RANBP2: variants seen among roughly 807,000 people sequenced by gnomAD.
RANBP2 encodes E3 SUMO-protein ligase RanBP2.
A neutral mutation model predicts 303.6 loss-of-function variants in RANBP2; 57 were observed. That is an observed-to-expected ratio of 0.19 (90% CI 0.15 to 0.23). The LOEUF (loss-of-function observed/expected upper bound fraction) is 0.23. Among genes scored for constraint, RANBP2 ranks in the 10% least tolerant of loss-of-function variants. RANBP2 has a pLI of 1.00. For missense variants in RANBP2, 3,138 were observed against 3,780.8 expected (o/e 0.83, Z 4.46); for synonymous variants, 1,167 against 1,301.5 (o/e 0.90, Z 2.23).
rs2557927 is a variant in RANBP2, at chr2:108,728,701, C to G, written c.73-431C>G. Among the ~76,000 whole-genome samples the G allele has an allele frequency of 2.1e-3, 316 of 152,134 alleles. 3 individuals are homozygous for G. The highest frequency in any genetic ancestry group is 7.1e-3 in the African/African-American group (295 of 41,506). ...GGAGTGCAATGGCACGATCTCAGCT[C>G]ACTGCAACCTCTGGCTCACTGCAAC... On this transcript the variant is annotated intron_variant, in intron 1 of 28. Coordinates refer to ENST00000283195, the MANE Select transcript of RANBP2 (RefSeq NM_006267.5).
chr2:108,821,687 C>T, the RANBP2 span, among the ~76,000 whole-genome samples: 1 of 151,762 alleles, frequency 6.6e-6, no homozygotes, highest in East Asian at 1.9e-4. Context: ...CCTCATGCCT[C>T]CAATCCCAGT....
At chr2:109,257,977 C>T in the RANBP2 span, among the ~76,000 whole-genome samples, 1 of 145,506 alleles carries the variant, frequency 6.9e-6, no homozygotes, top group Admixed American at 6.9e-5. Context: ...TCTTTCCCTG[C>T]TTGATTGTCA....
chr2:108,997,650 G>A, the RANBP2 span, among the ~76,000 whole-genome samples: 1 of 151,954 alleles, frequency 6.6e-6, no homozygotes, highest in Non-Finnish European at 1.5e-5. Flanking sequence ...CCAGTACTGT[G>A]AGAGGCCGAG....
the RANBP2 span, among the ~76,000 whole-genome samples, chr2:109,296,411 T>G: frequency 0.011 from 1,745 of 151,796 alleles, 47 homozygotes; most frequent in African/African-American, 0.039. Context: ...GTGTGTGTGT[T>G]TTTTATTGTT....
the RANBP2 span, among the ~76,000 whole-genome samples, chr2:109,421,907 G>A: frequency 4.6e-5 from 7 of 152,172 alleles, no homozygotes; most frequent in Admixed American, 1.3e-4. Flanking sequence ...CATTACATAC[G>A]TTACAGCAGT....
the RANBP2 span, among the ~76,000 whole-genome samples, chr2:109,107,449 C>T: frequency 1.3e-5 from 2 of 152,148 alleles, no homozygotes; most frequent in African/African-American, 4.8e-5. Flanking sequence ...GGAGCAGTAC[C>T]CAGTCTCTGG....
chr2:108,965,598 C>T, the RANBP2 span, among the ~76,000 whole-genome samples: 1 of 152,114 alleles, frequency 6.6e-6, no homozygotes, highest in Non-Finnish European at 1.5e-5. Context: ...CTGGGCTCTA[C>T]TGGCTTTGGG....
At chr2:109,613,142 G>C in the RANBP2 span, 30 of 1,285,112 alleles carry the variant, frequency 2.3e-5, no homozygotes, top group Non-Finnish European at 3.0e-5. Flanking sequence ...CGATGTACAC[G>C]ACCTTGGTAC....
chr2:109,057,811 C>T, the RANBP2 span, among the ~76,000 whole-genome samples: 3 of 152,226 alleles, frequency 2.0e-5, no homozygotes, highest in Non-Finnish European at 4.4e-5. Context: ...TGAGTGCCAG[C>T]TTGCGGTGGT....
At chr2:109,610,294 T>C in the RANBP2 span, among the ~76,000 whole-genome samples, 2 of 152,100 alleles carry the variant, frequency 1.3e-5, no homozygotes, top group South Asian at 4.1e-4. Flanking sequence ...TTTACGGTGT[T>C]GGCCAGGATG....
At chr2:109,223,398 G>C in the RANBP2 span, among the ~76,000 whole-genome samples, 2 of 152,340 alleles carry the variant, frequency 1.3e-5, no homozygotes, top group Admixed American at 1.3e-4. Flanking sequence ...GCTGCCGTGT[G>C]CTCGCTGTGA....
At chr2:108,890,773 C>G in the RANBP2 span, among the ~76,000 whole-genome samples, 1 of 152,100 alleles carries the variant, frequency 6.6e-6, no homozygotes, top group Non-Finnish European at 1.5e-5. Context: ...TTTTCTCTGT[C>G]TCTTTACTCT....
chr2:109,488,794 T>C, the RANBP2 span, among the ~76,000 whole-genome samples: 1 of 152,228 alleles, frequency 6.6e-6, no homozygotes, highest in African/African-American at 2.4e-5. Context: ...GGCTGTTTCC[T>C]ATTGCTCACA....
chr2:109,702,229 C>T, the RANBP2 span, among the ~76,000 whole-genome samples: 4 of 152,150 alleles, frequency 2.6e-5, no homozygotes, highest in Non-Finnish European at 5.9e-5. Flanking sequence ...AAGAGTGGAA[C>T]TTGGGATGTG....
chr2:109,193,481 C>T, the RANBP2 span, among the ~76,000 whole-genome samples: 4 of 152,212 alleles, frequency 2.6e-5, no homozygotes, highest in East Asian at 7.7e-4. Context: ...CTATTCTGGG[C>T]TTTTCATATG....
At chr2:109,675,833 G>A in the RANBP2 span, among the ~76,000 whole-genome samples, 6 of 152,194 alleles carry the variant, frequency 3.9e-5, no homozygotes, top group African/African-American at 1.4e-4. Flanking sequence ...AACAACTCCA[G>A]GCGGCCCCGG....
chr2:109,207,148 G>T, the RANBP2 span, among the ~76,000 whole-genome samples: 12 of 152,086 alleles, frequency 7.9e-5, no homozygotes, highest in Non-Finnish European at 5.9e-5. Context: ...TGGGGGTGAG[G>T]GTGCAATGAC....
chr2:109,005,661 T>G, the RANBP2 span, among the ~76,000 whole-genome samples: 1 of 152,214 alleles, frequency 6.6e-6, no homozygotes, highest in Non-Finnish European at 1.5e-5. Flanking sequence ...TAAATTAAAC[T>G]GCGGGCACAC....
chr2:109,047,725 G>A, the RANBP2 span, among the ~76,000 whole-genome samples: 7 of 152,258 alleles, frequency 4.6e-5, no homozygotes, highest in Admixed American at 3.3e-4. Flanking sequence ...CACAAGAATT[G>A]CTTGAACCTG....
Sources: gnomAD v4.1 joint callset for allele counts (sites outside exome capture counted in the v4.1 genomes callset) on GRCh38, gnomAD v4.1.1 for gene constraint, MANE v1.5 for transcripts, NCBI Gene and HGNC (gene_info 2026-07-23, HGNC 2026-07-21) for gene names.